Variants in ADARB2 observed in about 807,000 individuals in gnomAD.
ADARB2 encodes inactive double-stranded RNA-specific editase B2.
Under a neutral mutation model 62.2 loss-of-function variants are expected in ADARB2, and 25 were observed. That is an observed-to-expected ratio of 0.40 (90% CI 0.29 to 0.56). ADARB2 has a LOEUF of 0.56. ADARB2 is among the 20% of genes least tolerant of loss of function. The pLI is 0.43. For synonymous variants in ADARB2, 572 were observed against 500.8 expected (o/e 1.14, Z -1.90); for missense variants, 1,071 against 1,077.4 (o/e 0.99, Z 0.08).
intron 1 of ADARB2, among the ~76,000 whole-genome samples, chr10:1,642,025 T>C (rs1343616300): frequency 1.3e-5 from 2 of 152,192 alleles, no homozygotes; most frequent in Non-Finnish European, 2.9e-5. Context: ...AAAAAAAGTG[T>C]TCCTGTTATA....
chr10:1,493,749 T>C (rs112679409), intron 1 of ADARB2, among the ~76,000 whole-genome samples: 1 of 61,998 alleles, frequency 1.6e-5, no homozygotes, highest in African/African-American at 6.2e-5. Context: ...TTTTTTTTTT[T>C]TTTTTTTTTT....
chr10:1,504,444 C>T (rs968489191), intron 1 of ADARB2, among the ~76,000 whole-genome samples: 8 of 149,262 alleles, frequency 5.4e-5, no homozygotes, highest in Admixed American at 1.3e-4. Flanking sequence ...GTACACGTCT[C>T]ATTGCAGACA....
At chr10:1,601,603 G>T (rs952761448) in intron 1 of ADARB2, among the ~76,000 whole-genome samples, 1 of 152,192 alleles carries the variant, frequency 6.6e-6, no homozygotes, top group African/African-American at 2.4e-5. Flanking sequence ...CTGTACACAC[G>T]TTAGAAACAT....
chr10:1,184,127 CCTCTA>C (rs1411662046), intron 9 of ADARB2, among the ~76,000 whole-genome samples: 4 of 152,228 alleles, frequency 2.6e-5, no homozygotes, highest in Non-Finnish European at 5.9e-5. Context: ...TTCTGAGTGT[CCTCTA>C]AGTTGGCTAA....
At chr10:1,401,742 C>T (rs576728398) in intron 1 of ADARB2, among the ~76,000 whole-genome samples, 346 of 152,288 alleles carry the variant, frequency 2.3e-3, no homozygotes, top group African/African-American at 7.3e-3. Flanking sequence ...GTGAGCCTCA[C>T]GCTCTCTAGA....
At chr10:1,679,713 A>G (rs1478436892) in intron 1 of ADARB2, among the ~76,000 whole-genome samples, 2 of 152,154 alleles carry the variant, frequency 1.3e-5, no homozygotes, top group Non-Finnish European at 2.9e-5. Context: ...CTGTTCTGAC[A>G]CACACGCGGC....
chr10:1,282,284 A>C (rs1460815307), intron 3 of ADARB2, among the ~76,000 whole-genome samples: 2 of 152,178 alleles, frequency 1.3e-5, no homozygotes, highest in Non-Finnish European at 2.9e-5. Flanking sequence ...CGTCTTACTG[A>C]TAACCAACAC....
chr10:1,529,062 C>G (rs952061555), intron 1 of ADARB2, among the ~76,000 whole-genome samples: 2 of 143,434 alleles, frequency 1.4e-5, no homozygotes, highest in African/African-American at 5.0e-5. Flanking sequence ...AACAAATCCT[C>G]CAATCAGTCC....
At chr10:1,403,081 G>A (rs996161843) in intron 1 of ADARB2, among the ~76,000 whole-genome samples, 2 of 152,194 alleles carry the variant, frequency 1.3e-5, no homozygotes, top group South Asian at 2.1e-4. Context: ...CACCGTGTGC[G>A]GCTCTCGTGG....
chr10:1,560,703 G>A lies in ADARB2; in HGVS notation c.100+176348C>T, dbSNP rs968180689. On this transcript the variant is annotated intron_variant, in intron 1 of 9. Coordinates refer to ENST00000381312, the MANE Select transcript of ADARB2 (RefSeq NM_018702.4). The stretch of plus-strand genomic sequence containing the variant: ...GACAGGCAGAAAAAGCCACACTCTC[G>A]CCCAGGCAGGCAAGCAGGGTCAGGA... 7.3e-5 allele frequency among the ~76,000 whole-genome samples: 11 copies of A among 151,330 alleles called. 1 individual carries two copies. The East Asian group carries it at 1.6e-3, about 21-fold the overall frequency.
At chr10:1,220,318 GTGA>G (rs1178542159) in intron 6 of ADARB2, among the ~76,000 whole-genome samples, 8 of 146,014 alleles carry the variant, frequency 5.5e-5, no homozygotes, top group African/African-American at 1.8e-4. Context: ...GGTGGTAATG[GTGA>G]TGGTGGTGGT....
intron 7 of ADARB2, among the ~76,000 whole-genome samples, chr10:1,213,232 C>G (rs1837182441): frequency 6.6e-6 from 1 of 151,498 alleles, no homozygotes; most frequent in African/African-American, 2.4e-5. Context: ...GAGAAAGAGA[C>G]AGAGAGACAA....
chr10:1,737,474 G>T lies in ADARB2; in HGVS notation c.-324C>A, dbSNP rs1004927643. ...CTGCCTCCTGCTCTGGGCTCCCAGCGCAGGGAGGCTACTTTTGCGCCTCTG... is the reference window on the plus strand; with the variant it reads ...CTGCCTCCTGCTCTGGGCTCCCAGCTCAGGGAGGCTACTTTTGCGCCTCTG... On this transcript the variant is annotated 5_prime_UTR_variant, in exon 1 of 10. Transcript: ENST00000381312. 2 of 339,440 alleles carry T rather than the reference G, an allele frequency of 5.9e-6. No homozygotes were observed. Among genetic ancestry groups the T allele is most frequent in the African/African-American group, 4.2e-5 (2 of 47,232 alleles). The allele number at this position is 339,440 out of a possible 1,614,324, so 21.0% of individuals were successfully genotyped here.
chr10:1,733,994 G>T (rs1365991709), intron 1 of ADARB2, among the ~76,000 whole-genome samples: 2 of 136,750 alleles, frequency 1.5e-5, no homozygotes, highest in Non-Finnish European at 3.2e-5. Flanking sequence ...GATTTTCCCT[G>T]TCCTTCTCAT....
At position 1,660,761 on chromosome 10, in the gene ADARB2, G is replaced by T. The variant is rs1362302635; in HGVS notation, c.100+76290C>A. 2.6e-5 allele frequency among the ~76,000 whole-genome samples: 4 copies of T among 152,160 alleles called. No homozygotes were observed. In the South Asian group the frequency reaches 8.3e-4, roughly 32 times the overall value. ...CCCAAAGTCTCTGAACTTTTGATCCGCACTGTGTCAGTATACGTCTGGCCT... is the reference window on the plus strand; with the variant it reads ...CCCAAAGTCTCTGAACTTTTGATCCTCACTGTGTCAGTATACGTCTGGCCT... On this transcript the variant is annotated intron_variant, in intron 1 of 9. Coordinates refer to ENST00000381312, the MANE Select transcript of ADARB2 (RefSeq NM_018702.4).
intron 1 of ADARB2, among the ~76,000 whole-genome samples, chr10:1,630,348 G>A (rs982690126): frequency 6.6e-5 from 10 of 152,212 alleles, no homozygotes; most frequent in Non-Finnish European, 1.0e-4. Flanking sequence ...CAGAAGCAAG[G>A]CAGGGCATAA....
chr10:1,589,486 C>T (rs1833222444), intron 1 of ADARB2, among the ~76,000 whole-genome samples: 2 of 151,976 alleles, frequency 1.3e-5, no homozygotes, highest in African/African-American at 2.4e-5. Flanking sequence ...GTGGGGCATC[C>T]ATGGTCAGGA....
intron 3 of ADARB2, among the ~76,000 whole-genome samples, chr10:1,352,570 G>A (rs1832153968): frequency 6.6e-6 from 1 of 152,120 alleles, no homozygotes; most frequent in Non-Finnish European, 1.5e-5. Context: ...TTTTAGCCCA[G>A]CCCTCATGTC....
intron 1 of ADARB2, among the ~76,000 whole-genome samples, chr10:1,679,782 C>T (rs531705502): frequency 2.0e-5 from 3 of 152,298 alleles, no homozygotes; most frequent in East Asian, 1.9e-4. Context: ...ACGACTGGAT[C>T]GCTTGGGCTC....
Sources: allele counts gnomAD v4.1 joint callset (sites outside exome capture counted in the v4.1 genomes callset), GRCh38; gene constraint gnomAD v4.1.1; transcripts MANE v1.5; gene names NCBI Gene and HGNC (gene_info 2026-07-23, HGNC 2026-07-21).